The following RARS2 variants were observed in gnomAD, a reference collection of about 807,000 sequenced individuals.
RARS2 encodes the protein probable arginine--tRNA ligase, mitochondrial.
Under a neutral mutation model 88.5 loss-of-function variants are expected in RARS2, and 67 were observed. The ratio of observed to expected loss-of-function variants is 0.76; its 90% CI spans 0.62 to 0.93. RARS2 has a LOEUF of 0.93. RARS2 is among the 40% of genes least tolerant of loss of function. The probability of loss-of-function intolerance (pLI) is 0.00; values close to 1 mark genes in which losing one functional copy is unlikely to be tolerated. For synonymous variants in RARS2, 239 were observed against 230.3 expected (o/e 1.04, Z -0.34); for missense variants, 664 against 684.2 (o/e 0.97, Z 0.33).
intron 8 of RARS2, among the ~76,000 whole-genome samples, chr6:87,533,746 G>C (rs570967671): frequency 4.6e-5 from 7 of 152,304 alleles, no homozygotes; most frequent in Non-Finnish European, 5.9e-5. Flanking sequence ...ATTTAACTCA[G>C]ATAATTACAG....
At chr6:87,564,061 G>A in intron 3 of RARS2, 69 bp downstream of exon 3, 2 of 1,151,900 alleles carry the variant, frequency 1.7e-6, no homozygotes, top group Non-Finnish European at 2.6e-6. Flanking sequence ...GGCTGAGATA[G>A]CCTGCAAAGT....
intron 11 of RARS2, among the ~76,000 whole-genome samples, 163 bp downstream of exon 11, chr6:87,524,394 T>C (rs576376604): frequency 7.9e-5 from 12 of 152,376 alleles, no homozygotes; most frequent in East Asian, 7.7e-4. Flanking sequence ...CAACGTGCCA[T>C]TGTAAAATAC....
At chr6:87,518,012 C>G (rs1772386802) in intron 17 of RARS2, among the ~76,000 whole-genome samples, 157 bp downstream of exon 17, 1 of 152,142 alleles carries the variant, frequency 6.6e-6, no homozygotes, top group African/African-American at 2.4e-5. Context: ...GCCCTCTGTC[C>G]TCAAAATGCA....
chr6:87,586,881 G>GTTATTTATTTAT (rs145438214), intron 1 of RARS2, among the ~76,000 whole-genome samples: 3 of 147,412 alleles, frequency 2.0e-5, no homozygotes, highest in Non-Finnish European at 3.0e-5. Flanking sequence ...TGTGGGGTTG[G>GTTATTTATTTAT]TTATTTATTT....
intron 11 of RARS2, among the ~76,000 whole-genome samples, chr6:87,523,821 A>G (rs559486435): frequency 6.6e-6 from 1 of 152,332 alleles, no homozygotes; most frequent in Admixed American, 6.5e-5. Flanking sequence ...AGTTGATACA[A>G]AAAACTTTTC....
rs1777444965 is a variant in RARS2, at chr6:87,531,249, CGA to C, written c.613-309_613-308del. Among the ~76,000 whole-genome samples, 4 of 152,168 alleles carry C rather than the reference CGA, an allele frequency of 2.6e-5. No individual in the cohort carries two copies. In the South Asian group the frequency reaches 8.3e-4, roughly 32 times the overall value. On this transcript the variant is annotated intron_variant, in intron 8 of 19. Coordinates refer to ENST00000369536, the MANE Select transcript of RARS2 (RefSeq NM_020320.5). ...GTAATGGAGGAAAATACTCAATTTC[CGA>C]GAGAGGTCAGGGAAAACAAAGTATA...
At position 87,538,059 on chromosome 6, in the gene RARS2, T is replaced by C. The variant is rs561669699; in HGVS notation, c.612+3859A>G. ...AAAAATTCCTCATTTATGCTAACAGTTGTTTTTGAAAGTAATCCAAAGTGA... is the reference window on the plus strand; with the variant it reads ...AAAAATTCCTCATTTATGCTAACAGCTGTTTTTGAAAGTAATCCAAAGTGA... On this transcript the variant is annotated intron_variant, in intron 8 of 19. Transcript: ENST00000369536. 5.3e-5 allele frequency among the ~76,000 whole-genome samples: 8 copies of C among 152,350 alleles called. No homozygotes were observed. In the South Asian group the frequency reaches 1.7e-3, roughly 32 times the overall value.
rs1359188497 is a variant in RARS2 at position 87,555,441 on chromosome 6, C to T, written c.362G>A (p.Gly121Glu). The T allele has an allele frequency of 6.2e-7, 1 of 1,613,784 alleles. No individual in the cohort carries two copies. Among genetic ancestry groups the T allele is most frequent in the Non-Finnish European group, 8.5e-7 (1 of 1,179,916 alleles). Residue 121 changes from glycine to glutamate, a missense_variant, in exon 5 of 20, where the codon GGA becomes GAA. Transcript: ENST00000369536. Reference protein sequence around the residue: ...KYGLKSELFSGLPQKKIVVEF... With the variant: ...KYGLKSELFSELPQKKIVVEF... ...AACCACAATCTTCTTCTGGGGAAGT[C>T]CAGAGAAAAGTTCACTTTTTAATCC...
intron 1 of RARS2, among the ~76,000 whole-genome samples, chr6:87,572,229 A>C (rs1449326117): frequency 1.3e-5 from 2 of 152,188 alleles, no homozygotes; most frequent in Non-Finnish European, 2.9e-5. Flanking sequence ...AAATCTGTTA[A>C]ATAATAAACT....
intron 10 of RARS2, among the ~76,000 whole-genome samples, chr6:87,526,248 G>C (rs35317752): frequency 0.062 from 9,393 of 152,226 alleles, 347 homozygotes; most frequent in African/African-American, 0.11. Context: ...AGCTGTGGTG[G>C]CTCACGTCTA....
chr6:87,520,799 C>T (rs1773576264), intron 12 of RARS2, among the ~76,000 whole-genome samples: 1 of 152,076 alleles, frequency 6.6e-6, no homozygotes, highest in African/African-American at 2.4e-5. Flanking sequence ...CTTAGAGTGA[C>T]AAAATTGTGC....
At chr6:87,532,222 T>A (rs1268591530) in intron 8 of RARS2, among the ~76,000 whole-genome samples, 1 of 151,550 alleles carries the variant, frequency 6.6e-6, no homozygotes, top group Admixed American at 6.6e-5. Context: ...ACCTTTTTTT[T>A]TCCCCCTAGA....
At chr6:87,533,325 T>C (rs1461647762) in intron 8 of RARS2, among the ~76,000 whole-genome samples, 1 of 152,170 alleles carries the variant, frequency 6.6e-6, no homozygotes, top group Non-Finnish European at 1.5e-5. Context: ...TATGTACTTA[T>C]AAAACAAACA....
At chr6:87,555,550 CT>C (rs1657593760) in intron 4 of RARS2, 45 bp from the exon 5 acceptor site, 1 of 1,367,810 alleles carries the variant, frequency 7.3e-7, no homozygotes, top group African/African-American at 1.4e-5. Flanking sequence ...AATTACAATG[CT>C]TTTAATTACT....
chr6:87,514,366 A>T lies in RARS2; in HGVS notation c.*47T>A. The T allele has an allele frequency of 1.5e-6, 2 of 1,335,602 alleles. No homozygotes were observed. Among genetic ancestry groups the T allele is most frequent in the Non-Finnish European group, 2.2e-6 (2 of 927,344 alleles). The allele number at this position is 1,335,602 out of a possible 1,614,324, so 82.7% of individuals were successfully genotyped here. A position where few individuals can be genotyped will look rare whatever the true frequency, so the allele number is the denominator to read the frequency against. On this transcript the variant is annotated 3_prime_UTR_variant, in exon 20 of 20. Coordinates refer to ENST00000369536, the MANE Select transcript of RARS2 (RefSeq NM_020320.5). Reference sequence around the variant, plus strand: ...TCTGAACAGCAAGGCATCTCAGAATAGATAACTAGAATTCACTTGACATTT... The same window carrying T: ...TCTGAACAGCAAGGCATCTCAGAATTGATAACTAGAATTCACTTGACATTT...
rs1430102732 is a variant in RARS2 at position 87,515,027 on chromosome 6, C to G, written c.1587-7G>C. On this transcript the variant is annotated splice_region_variant and splice_polypyrimidine_tract_variant and intron_variant, in intron 18 of 19. Coordinates refer to ENST00000369536, the MANE Select transcript of RARS2 (RefSeq NM_020320.5). The stretch of plus-strand genomic sequence containing the variant: ...TGCCACAGCTGCAAGATGACTGAAA[C>G]AGGAAGAGAGAAATCACGATAGTAC... The G allele has an allele frequency of 1.2e-6, 2 of 1,609,340 alleles. No homozygotes were observed. Among genetic ancestry groups the G allele is most frequent in the Middle Eastern group, 3.3e-4 (2 of 6,054 alleles).
At chr6:87,547,623 A>G (rs1782972837) in intron 6 of RARS2, among the ~76,000 whole-genome samples, 2 of 151,916 alleles carry the variant, frequency 1.3e-5, no homozygotes, top group Non-Finnish European at 2.9e-5. Context: ...AGTAATCTCT[A>G]TTTATTGAAA....
chr6:87,581,356 A>G (rs566413530), intron 1 of RARS2, among the ~76,000 whole-genome samples: 1 of 152,290 alleles, frequency 6.6e-6, no homozygotes, highest in South Asian at 2.1e-4. Context: ...TAAAAAGGCA[A>G]TTACCCCAGT....
Position 87,519,708 on chromosome 6 carries a change from C to G in RARS2, c.1113-1G>C. 6.2e-7 allele frequency: 1 copy of G among 1,613,964 alleles called. No individual in the cohort carries two copies. The highest frequency in any genetic ancestry group is 1.1e-5 in the South Asian group (1 of 91,082). The stretch of plus-strand genomic sequence containing the variant: ...TACTCCAAAGGGCACGTGCTGGCAC[C>G]TAAAAGAGTGGGCATCTAGTTAACT... On this transcript the variant is annotated splice_acceptor_variant, in intron 13 of 19. Coordinates refer to ENST00000369536, the MANE Select transcript of RARS2 (RefSeq NM_020320.5). LOFTEE classifies it high-confidence loss of function.
Sources: allele counts gnomAD v4.1 joint callset (sites outside exome capture counted in the v4.1 genomes callset), GRCh38; gene constraint gnomAD v4.1.1; transcripts MANE v1.5; gene names NCBI Gene and HGNC (gene_info 2026-07-23, HGNC 2026-07-21).